MNAT1: variants seen among roughly 807,000 people sequenced by gnomAD.
The protein encoded by MNAT1 is CDK-activating kinase assembly factor MAT1.
MNAT1 carries 43 observed loss-of-function variants against 42.0 expected under a neutral mutation model. The observed-to-expected ratio is 1.02, with a 90% CI of 0.80 to 1.32. MNAT1 has a LOEUF of 1.32. Ranked by LOEUF, MNAT1 falls within the 40% of genes most tolerant of loss-of-function variation. MNAT1 has a pLI of 0.00. For synonymous variants in MNAT1, 118 were observed against 120.0 expected (o/e 0.98, Z 0.11); for missense variants, 306 against 350.4 (o/e 0.87, Z 1.01).
chr14:60,821,416 A>G (rs1594778393), intron 6 of MNAT1, among the ~76,000 whole-genome samples: 1 of 152,218 alleles, frequency 6.6e-6, no homozygotes, highest in Admixed American at 6.5e-5. Flanking sequence ...TCTAGTACCT[A>G]TTTAATGAAT....
chr14:60,872,672 AT>A (rs61300714), intron 6 of MNAT1, among the ~76,000 whole-genome samples: 126,997 of 150,078 alleles, frequency 0.85, 55,388 homozygotes, highest in Non-Finnish European at 0.96. Flanking sequence ...ATACATAGCC[AT>A]TTTTTTTTTC....
At chr14:60,771,705 T>G (rs2031063918) in intron 1 of MNAT1, among the ~76,000 whole-genome samples, 1 of 152,190 alleles carries the variant, frequency 6.6e-6, no homozygotes, top group Non-Finnish European at 1.5e-5. Context: ...CCCTACATTT[T>G]CTTCTTTCCC....
chr14:60,777,936 T>TG (rs2031310676), intron 1 of MNAT1, among the ~76,000 whole-genome samples: 1 of 152,222 alleles, frequency 6.6e-6, no homozygotes, highest in Non-Finnish European at 1.5e-5. Flanking sequence ...TTTAATAGGC[T>TG]GGGTTCTGGA....
At chr14:60,797,998 T>C in intron 2 of MNAT1, 89 bp from the exon 3 acceptor site, 2 of 634,738 alleles carry the variant, frequency 3.2e-6, no homozygotes, top group Non-Finnish European at 5.7e-6. Flanking sequence ...ATGTATCATA[T>C]ATGAATTAGG....
intron 1 of MNAT1, among the ~76,000 whole-genome samples, chr14:60,794,765 A>G (rs1296907313): frequency 1.3e-5 from 2 of 150,058 alleles, no homozygotes; most frequent in Non-Finnish European, 3.0e-5. Flanking sequence ...TATTTTACTA[A>G]TAACCTTAAA....
chr14:60,791,809 G>A (rs988082247), intron 1 of MNAT1, among the ~76,000 whole-genome samples: 1 of 152,106 alleles, frequency 6.6e-6, no homozygotes, highest in Admixed American at 6.5e-5. Context: ...AAGAAAATGT[G>A]AAACCTTTTT....
chr14:60,914,021 A>G (rs976656884), intron 7 of MNAT1, among the ~76,000 whole-genome samples: 4 of 152,200 alleles, frequency 2.6e-5, no homozygotes, highest in Non-Finnish European at 5.9e-5. Context: ...AGCCTGAGCA[A>G]TGGCAGGTGC....
At position 60,968,314 on chromosome 14, in the gene MNAT1, G is replaced by C; in HGVS notation, c.895G>C (p.Asp299His). Reference sequence around the variant, plus strand: ...TCTTGCTTGTCACAGAGCACTACAGGATGCATTCAGTGGGCTTTTCTGGCA... The same window carrying C: ...TCTTGCTTGTCACAGAGCACTACAGCATGCATTCAGTGGGCTTTTCTGGCA... Reference protein sequence around the residue: ...SSLACHRALQDAFSGLFWQPS With the variant: ...SSLACHRALQHAFSGLFWQPS The change falls in exon 8 of 8, where the codon GAT becomes CAT. Residue 299 changes from aspartate (D) to histidine (H), a missense_variant. Coordinates refer to ENST00000261245, the MANE Select transcript of MNAT1 (RefSeq NM_002431.4). 6.2e-7 allele frequency: 1 copy of C among 1,613,700 alleles called. No individual in the cohort carries two copies. Among genetic ancestry groups the C allele is most frequent in the Non-Finnish European group, 8.5e-7 (1 of 1,179,852 alleles).
intron 6 of MNAT1, among the ~76,000 whole-genome samples, chr14:60,866,206 C>G (rs942098766): frequency 1.3e-5 from 2 of 151,662 alleles, no homozygotes; most frequent in African/African-American, 2.4e-5. Context: ...AGAGGAGAAA[C>G]TAGCTGAGTT....
chr14:60,889,199 A>G (rs1040442634), intron 7 of MNAT1, among the ~76,000 whole-genome samples: 11 of 152,200 alleles, frequency 7.2e-5, no homozygotes, highest in Non-Finnish European at 1.6e-4. Context: ...ACTTCAAACT[A>G]TACTACAAGG....
chr14:60,916,029 G>A (rs4151351), intron 7 of MNAT1, among the ~76,000 whole-genome samples: 23,633 of 152,104 alleles, frequency 0.16, 2,346 homozygotes, highest in East Asian at 0.41. Flanking sequence ...TTCTTGGAGC[G>A]CTGTGGTAAC....
At chr14:60,767,839 A>G (rs146954550) in intron 1 of MNAT1, among the ~76,000 whole-genome samples, 1,993 of 152,136 alleles carry the variant, frequency 0.013, 44 homozygotes, top group African/African-American at 0.046. Context: ...ATCTCAGCTC[A>G]CTGCAACCTC....
intron 7 of MNAT1, among the ~76,000 whole-genome samples, chr14:60,951,269 T>TG (rs2036377848): frequency 1.3e-5 from 2 of 149,438 alleles, no homozygotes; most frequent in African/African-American, 4.9e-5. Context: ...CCCCTCCCTT[T>TG]TTTTTTTTTT....
intron 6 of MNAT1, among the ~76,000 whole-genome samples, chr14:60,850,237 C>T (rs4151252): frequency 0.95 from 144,121 of 152,312 alleles, 68,462 homozygotes; most frequent in Non-Finnish European, 0.99. Flanking sequence ...ATTAGATCCA[C>T]AAATGTAATT....
rs866541913 is a variant in MNAT1 at position 60,800,428 on chromosome 14, C to A, written c.316+2268C>A. On this transcript the variant is annotated intron_variant, in intron 3 of 7. Transcript: ENST00000261245. ...GTGTAGTGGCACACGTTTGTAGTCC[C>A]AGCTACTTGGGAGGCTGAGGTGGAT... 2.8e-4 allele frequency among the ~76,000 whole-genome samples: 42 copies of A among 152,152 alleles called. 1 individual carries two copies. In the South Asian group the frequency reaches 3.7e-3, roughly 14 times the overall value.
At chr14:60,802,404 A>G (rs1485434733) in intron 3 of MNAT1, among the ~76,000 whole-genome samples, 1 of 152,226 alleles carries the variant, frequency 6.6e-6, no homozygotes, top group African/African-American at 2.4e-5. Flanking sequence ...ATAGTTCCAC[A>G]GTGAATACAT....
chr14:60,859,086 T>G (rs2034034386), intron 6 of MNAT1, among the ~76,000 whole-genome samples: 2 of 152,244 alleles, frequency 1.3e-5, no homozygotes, highest in African/African-American at 4.8e-5. Flanking sequence ...GTTAAGCTTT[T>G]GTGAGATTAT....
chr14:60,803,633 A>T, intron 3 of MNAT1, among the ~76,000 whole-genome samples: 1 of 152,178 alleles, frequency 6.6e-6, no homozygotes. Context: ...TTTGAAGGAT[A>T]TTAAAGACAT....
At chr14:60,842,072 C>T (rs575569442) in intron 6 of MNAT1, among the ~76,000 whole-genome samples, 3 of 152,300 alleles carry the variant, frequency 2.0e-5, no homozygotes, top group South Asian at 2.1e-4. Context: ...GGTGGACAAA[C>T]GGCAGCTAAC....
Sources: gnomAD v4.1 joint callset for allele counts (sites outside exome capture counted in the v4.1 genomes callset) on GRCh38, gnomAD v4.1.1 for gene constraint, MANE v1.5 for transcripts, NCBI Gene and HGNC (gene_info 2026-07-23, HGNC 2026-07-21) for gene names.